Variants in CRACR2A observed in about 807,000 individuals in gnomAD.
CRACR2A encodes EF-hand calcium-binding domain-containing protein 4B.
Under a neutral mutation model 90.5 loss-of-function variants are expected in CRACR2A, and 79 were observed. The observed-to-expected ratio is 0.87, with a 90% CI of 0.73 to 1.05. The LOEUF (loss-of-function observed/expected upper bound fraction) is 1.05, where lower values mean the gene tolerates loss of function less well. Ranked by LOEUF, CRACR2A falls within the 50% of genes least tolerant of loss-of-function variation. The pLI is 0.00. For missense variants in CRACR2A, 823 were observed against 897.2 expected (o/e 0.92, Z 1.06); for synonymous variants, 338 against 356.7 (o/e 0.95, Z 0.59).
At chr12:3,720,929 C>T (rs1331382884) in intron 2 of CRACR2A, among the ~76,000 whole-genome samples, 1 of 152,186 alleles carries the variant, frequency 6.6e-6, no homozygotes, top group Non-Finnish European at 1.5e-5. Flanking sequence ...AGCTGCTTTC[C>T]AACACAACCC....
chr12:3,629,851 G>GT (rs1396291205), intron 15 of CRACR2A, among the ~76,000 whole-genome samples: 2 of 22,748 alleles, frequency 8.8e-5, no homozygotes, highest in Non-Finnish European at 1.5e-4. Flanking sequence ...AAAGACAAGG[G>GT]GGGGGGGGGA....
chr12:3,713,039 C>T (rs530918043), intron 3 of CRACR2A, among the ~76,000 whole-genome samples, 198 bp downstream of exon 3: 2 of 152,130 alleles, frequency 1.3e-5, no homozygotes, highest in South Asian at 4.2e-4. Flanking sequence ...GGAATAGACC[C>T]TCCATCATCT....
intron 3 of CRACR2A, among the ~76,000 whole-genome samples, chr12:3,701,979 G>T (rs981302432): frequency 3.3e-5 from 5 of 152,122 alleles, no homozygotes; most frequent in African/African-American, 1.2e-4. Flanking sequence ...ACCAACCAGG[G>T]TTTATCTGAG....
At chr12:3,643,855 TTTATATTA>T (rs1944627350) in intron 12 of CRACR2A, among the ~76,000 whole-genome samples, 1 of 48,178 alleles carries the variant, frequency 2.1e-5, no homozygotes, top group Admixed American at 4.6e-4. Flanking sequence ...ATATTATATA[TTTATATTA>T]TATATATTAT....
Position 3,681,036 on chromosome 12 carries a change from C to T in CRACR2A, c.229-687G>A, listed in dbSNP as rs117500273. On this transcript the variant is annotated intron_variant, in intron 4 of 19. Transcript: ENST00000440314. The stretch of plus-strand genomic sequence containing the variant: ...CCCTGCTCTCCCTAAGCCCCCTTTC[C>T]TCTCCCGTACCACGATGCGGGTGCG... Among the ~76,000 whole-genome samples, 178 of 152,316 alleles carry T rather than the reference C, an allele frequency of 1.2e-3. 4 individuals carry two copies. In the East Asian group the frequency reaches 0.033, roughly 28 times the overall value.
chr12:3,723,795 C>T (rs1438539226), intron 2 of CRACR2A, among the ~76,000 whole-genome samples: 1 of 152,206 alleles, frequency 6.6e-6, no homozygotes, highest in Non-Finnish European at 1.5e-5. Flanking sequence ...GAGCCAACAG[C>T]TGCATTTTGG....
intron 4 of CRACR2A, among the ~76,000 whole-genome samples, chr12:3,681,816 G>T (rs1565487866): frequency 1.3e-5 from 2 of 152,192 alleles, no homozygotes; most frequent in African/African-American, 4.8e-5. Flanking sequence ...AAGCCATAAA[G>T]CTTAATTTGG....
chr12:3,647,220 T>C (rs1944705106), intron 11 of CRACR2A, among the ~76,000 whole-genome samples: 1 of 120,414 alleles, frequency 8.3e-6, no homozygotes, highest in Non-Finnish European at 1.6e-5. Flanking sequence ...GCATTATCTC[T>C]CCCTTGATTC....
intron 6 of CRACR2A, among the ~76,000 whole-genome samples, chr12:3,678,065 G>C (rs1005063993): frequency 1.1e-4 from 16 of 152,128 alleles, no homozygotes; most frequent in African/African-American, 3.6e-4. Flanking sequence ...CCACACTACA[G>C]GAAACATACA....
At chr12:3,639,957 CAA>C (rs565613061) in intron 13 of CRACR2A, among the ~76,000 whole-genome samples, 19 of 152,330 alleles carry the variant, frequency 1.2e-4, no homozygotes, top group Middle Eastern at 6.8e-3. Flanking sequence ...TACACACACA[CAA>C]GTGACTATTT....
chr12:3,639,826 AAC>A (rs145759591), intron 13 of CRACR2A, among the ~76,000 whole-genome samples: 3,276 of 152,302 alleles, frequency 0.022, 127 homozygotes, highest in African/African-American at 0.074. Context: ...GACTTATAAA[AAC>A]AGTTTTAAAA....
chr12:3,647,795 A>G (rs1944716027), intron 11 of CRACR2A: 2 of 954,434 alleles, frequency 2.1e-6, no homozygotes, highest in South Asian at 9.7e-5. Flanking sequence ...TTCAAAAATC[A>G]GAACCCAAAG....
chr12:3,643,977 C>T (rs759849079), intron 12 of CRACR2A, among the ~76,000 whole-genome samples: 5 of 129,806 alleles, frequency 3.9e-5, no homozygotes, highest in East Asian at 2.2e-4. Flanking sequence ...GAATTTCATC[C>T]GTTAATACTA....
chr12:3,691,176 A>G (rs1438317939), intron 4 of CRACR2A, among the ~76,000 whole-genome samples: 4 of 152,076 alleles, frequency 2.6e-5, no homozygotes, highest in Non-Finnish European at 5.9e-5. Flanking sequence ...TAACATGTGG[A>G]TGTGATCTTG....
intron 4 of CRACR2A, among the ~76,000 whole-genome samples, chr12:3,693,398 T>G (rs754814872): frequency 3.3e-5 from 5 of 152,318 alleles, no homozygotes; most frequent in East Asian, 1.9e-4. Flanking sequence ...CCCTGTCTGA[T>G]GGACAAGACC....
In CRACR2A at chr12:3,733,078, C is replaced by T. The variant is rs1206900720; in HGVS notation, c.-254G>A. ...GCAGGGTTTTTCTTGTGCTAAGTGC[C>T]CAGTGGAGGCTCTGGCTGGGCTCAT... On this transcript the variant is annotated 5_prime_UTR_variant, in exon 2 of 20. Transcript: ENST00000440314. 1.3e-5 allele frequency: 2 copies of T among 152,418 alleles called. No homozygotes were observed. Among genetic ancestry groups the T allele is most frequent in the East Asian group, 1.9e-4 (1 of 5,186 alleles). The allele number at this position is 152,418 out of a possible 1,614,324, so 9.4% of individuals were successfully genotyped here. A position where few individuals can be genotyped will look rare whatever the true frequency, so the allele number is the denominator to read the frequency against.
intron 1 of CRACR2A, among the ~76,000 whole-genome samples, chr12:3,745,386 C>T (rs1025484083): frequency 1.3e-5 from 2 of 150,854 alleles, no homozygotes; most frequent in Admixed American, 1.3e-4. Context: ...CCACCGTGTC[C>T]TCCTCTGGGG....
intron 15 of CRACR2A, among the ~76,000 whole-genome samples, chr12:3,630,148 T>C (rs373413169): frequency 2.0e-5 from 3 of 151,938 alleles, no homozygotes; most frequent in African/African-American, 4.8e-5. Context: ...AGGGGCTAAG[T>C]TGGATGCTGA....
chr12:3,648,300 T>G, intron 11 of CRACR2A: 1 of 1,423,962 alleles, frequency 7.0e-7, no homozygotes, highest in Non-Finnish European at 9.2e-7. Flanking sequence ...CTCAGAGGAG[T>G]GGGGCAGAGC....
Sources: allele counts gnomAD v4.1 joint callset (sites outside exome capture counted in the v4.1 genomes callset), GRCh38; gene constraint gnomAD v4.1.1; transcripts MANE v1.5; gene names NCBI Gene and HGNC (gene_info 2026-07-23, HGNC 2026-07-21).